CLEC2D: variants seen among roughly 807,000 people sequenced by gnomAD.
The protein encoded by CLEC2D is C-type lectin domain family 2 member D, also known as C-type lectin related f.
CLEC2D carries 16 observed loss-of-function variants against 20.0 expected under a neutral mutation model. The observed-to-expected ratio is 0.80, with a 90% confidence interval of 0.54 to 1.22. CLEC2D has a LOEUF of 1.22. CLEC2D is among the 50% of genes most tolerant of loss of function. The pLI is 0.00. For missense variants in CLEC2D, 207 were observed against 221.5 expected (o/e 0.93, Z 0.42); for synonymous variants, 77 against 71.1 (o/e 1.08, Z -0.42).
rs1866070603 is a variant in CLEC2D at position 9,699,215 on chromosome 12, G to T, written c.*4341G>T. On this transcript the variant is annotated 3_prime_UTR_variant, in exon 5 of 5. Transcript: ENST00000290855. Reference sequence around the variant, plus strand: ...ACCATCTATACCCCATTGCTTGGTGGGGTGATCACTCTGATTCTCTGCATG... The same window carrying T: ...ACCATCTATACCCCATTGCTTGGTGTGGTGATCACTCTGATTCTCTGCATG... 6.6e-6 allele frequency: 1 copy of T among 150,932 alleles called. No individual in the cohort carries two copies. The highest frequency in any genetic ancestry group is 2.1e-4 in the South Asian group (1 of 4,794). 9.3% of individuals were successfully genotyped at this position (150,932 alleles called of 1,614,324 possible). A position where few individuals can be genotyped will look rare whatever the true frequency, so the allele number is the denominator to read the frequency against.
chr12:9,682,682 T>A (rs753567595), intron 2 of CLEC2D, among the ~76,000 whole-genome samples: 11 of 152,210 alleles, frequency 7.2e-5, no homozygotes, highest in Non-Finnish European at 1.5e-4. Context: ...TTTGTCTCCC[T>A]GCAAAGAATA....
In CLEC2D at chr12:9,680,984, A is replaced by G. The variant is rs764990022; in HGVS notation, c.123A>G (p.Leu41=). 1.2e-4 allele frequency: 187 copies of G among 1,607,632 alleles called. 2 individuals carry two copies. The highest frequency in any genetic ancestry group is 2.8e-4 in the Admixed American group (17 of 59,954). Residue 41 remains leucine (L), a synonymous_variant, in exon 2 of 5, where the codon TTA becomes TTG. Transcript: ENST00000290855. ...KATLIWRLFF[L]IMFLTIIVCG... ...CCTTAATTTGGCGCTTATTTTTCTT[A>G]ATCATGTTTCTGACAATCATAGTGT...
chr12:9,687,744 G>A lies in CLEC2D; in HGVS notation c.173-158G>A, dbSNP rs141598043. On this transcript the variant is annotated intron_variant, in intron 2 of 4. Transcript: ENST00000290855. Reference sequence around the variant, plus strand: ...TTTTGCCATTTGCTGTGTAATGTATGCAATTATATTTAGCATCATATTTCT... The same window carrying A: ...TTTTGCCATTTGCTGTGTAATGTATACAATTATATTTAGCATCATATTTCT... Among the ~76,000 whole-genome samples, 65 of 152,100 alleles carry A rather than the reference G, an allele frequency of 4.3e-4. No homozygotes were observed. In the East Asian group the frequency reaches 9.8e-3, roughly 23 times the overall value.
At chr12:9,690,399 C>T (rs1865837923) in intron 3 of CLEC2D, among the ~76,000 whole-genome samples, 1 of 151,966 alleles carries the variant, frequency 6.6e-6, no homozygotes, top group Non-Finnish European at 1.5e-5. Context: ...GTACACTAGA[C>T]AGCAATTCAG....
intron 1 of CLEC2D, among the ~76,000 whole-genome samples, chr12:9,674,750 T>C (rs1865489171): frequency 1.3e-5 from 2 of 152,226 alleles, no homozygotes; most frequent in South Asian, 4.1e-4. Flanking sequence ...ACATATGATA[T>C]TAATAATTTG....
chr12:9,692,077 G>A (rs749334955), intron 3 of CLEC2D, among the ~76,000 whole-genome samples: 30 of 152,134 alleles, frequency 2.0e-4, no homozygotes, highest in Non-Finnish European at 3.5e-4. Flanking sequence ...ACTTACATTA[G>A]TTTGGTGTCT....
intron 1 of CLEC2D, among the ~76,000 whole-genome samples, chr12:9,675,105 T>C (rs1366985124): frequency 1.3e-5 from 2 of 152,152 alleles, no homozygotes; most frequent in Non-Finnish European, 2.9e-5. Flanking sequence ...TTATGAAAGA[T>C]CAGTTGACTA....
At position 9,695,738 on chromosome 12, in the gene CLEC2D, T is replaced by G. The variant is rs1865970246; in HGVS notation, c.*864T>G. On this transcript the variant is annotated 3_prime_UTR_variant, in exon 5 of 5. Coordinates refer to ENST00000290855, the MANE Select transcript of CLEC2D (RefSeq NM_013269.6). ...ATTAGTGGACAGCACTTAGTAGCTG[T>G]GAAGGAAGGTGCAGAGTCAGAAGAT... 6.9e-7 allele frequency: 1 copy of G among 1,445,428 alleles called. No homozygotes were observed. Among genetic ancestry groups the G allele is most frequent in the South Asian group, 1.1e-5 (1 of 87,612 alleles). The allele number at this position is 1,445,428 out of a possible 1,614,324, so 89.5% of individuals were successfully genotyped here.
At chr12:9,671,381 C>T (rs536729971) in intron 1 of CLEC2D, among the ~76,000 whole-genome samples, 132 of 152,240 alleles carry the variant, frequency 8.7e-4, no homozygotes, top group African/African-American at 1.5e-3. Flanking sequence ...CCACCACGCC[C>T]GGCTACTTTT....
chr12:9,691,687 T>C (rs1719137761), intron 3 of CLEC2D, among the ~76,000 whole-genome samples: 1 of 152,140 alleles, frequency 6.6e-6, no homozygotes, highest in African/African-American at 2.4e-5. Context: ...CAAGGGACAT[T>C]AGAAAATACC....
At chr12:9,687,770 C>T in intron 2 of CLEC2D, 132 bp from the exon 3 acceptor site, 1 of 500,928 alleles carries the variant, frequency 2.0e-6, no homozygotes, top group Non-Finnish European at 3.1e-6. Context: ...TCATATTTCT[C>T]ACTTGAAAAA....
At chr12:9,681,900 A>G (rs1168734806) in intron 2 of CLEC2D, among the ~76,000 whole-genome samples, 1 of 152,216 alleles carries the variant, frequency 6.6e-6, no homozygotes, top group Non-Finnish European at 1.5e-5. Flanking sequence ...TAATTTTTTT[A>G]TTTCAGAGAT....
chr12:9,673,405 A>G (rs1000545837), intron 1 of CLEC2D, among the ~76,000 whole-genome samples: 4 of 152,276 alleles, frequency 2.6e-5, no homozygotes, highest in Non-Finnish European at 5.9e-5. Context: ...GCAGAACAGC[A>G]GATTGCTGCC....
intron 1 of CLEC2D, among the ~76,000 whole-genome samples, chr12:9,678,801 A>G (rs1450635680): frequency 1.3e-5 from 2 of 152,298 alleles, no homozygotes; most frequent in East Asian, 3.9e-4. Flanking sequence ...TCAGTGTCTC[A>G]AAGGGTTGGG....
At chr12:9,670,613 T>C (rs1334382439) in intron 1 of CLEC2D, among the ~76,000 whole-genome samples, 3 of 152,262 alleles carry the variant, frequency 2.0e-5, no homozygotes, top group Non-Finnish European at 2.9e-5. Flanking sequence ...GTTGACATTT[T>C]CGTGGTTCTT....
Position 9,697,042 on chromosome 12 carries a change from T to C in CLEC2D, c.*2168T>C, listed in dbSNP as rs1037217839. On this transcript the variant is annotated 3_prime_UTR_variant, in exon 5 of 5. Transcript: ENST00000290855. ...CACATTATATACATACATACATATA[T>C]ATATATATATAAAAAATAGAATATT... 1 of 149,604 alleles carries C rather than the reference T, an allele frequency of 6.7e-6. No individual in the cohort carries two copies. The highest frequency in any genetic ancestry group is 1.5e-5 in the Non-Finnish European group (1 of 67,272). 9.3% of individuals were successfully genotyped at this position (149,604 alleles called of 1,614,324 possible). A position where few individuals can be genotyped will look rare whatever the true frequency, so the allele number is the denominator to read the frequency against.
At position 9,696,142 on chromosome 12, in the gene CLEC2D, A is replaced by G; in HGVS notation, c.*1268A>G. The G allele has an allele frequency of 1.1e-6, 1 of 919,418 alleles. No homozygotes were observed. The highest frequency in any genetic ancestry group is 1.8e-6 in the Non-Finnish European group (1 of 561,862). 57.0% of individuals were successfully genotyped at this position (919,418 alleles called of 1,614,324 possible). On this transcript the variant is annotated 3_prime_UTR_variant, in exon 5 of 5. Coordinates refer to ENST00000290855, the MANE Select transcript of CLEC2D (RefSeq NM_013269.6). ...ACGTGGTTCTCTTCCCAAAGTGGAA[A>G]CCAAGTTCATCAATTATGTGAAGAA...
chr12:9,693,914 TC>T, intron 4 of CLEC2D: 1 of 386,096 alleles, frequency 2.6e-6, no homozygotes, highest in East Asian at 1.1e-4. Context: ...CAAGTGAGCC[TC>T]CCATCTCAGC....
chr12:9,673,484 G>A (rs1865462363), intron 1 of CLEC2D, among the ~76,000 whole-genome samples: 1 of 152,240 alleles, frequency 6.6e-6, no homozygotes, highest in African/African-American at 2.4e-5. Flanking sequence ...TCTTCTGTAT[G>A]AGGTGTCTGG....
Sources: allele counts gnomAD v4.1 joint callset (sites outside exome capture counted in the v4.1 genomes callset), GRCh38; gene constraint gnomAD v4.1.1; transcripts MANE v1.5; gene names NCBI Gene and HGNC (gene_info 2026-07-23, HGNC 2026-07-21).